The following CHD6 variants were observed in gnomAD, a reference collection of about 807,000 sequenced individuals.
The protein encoded by CHD6 is chromodomain helicase DNA binding protein 6, also known as ATP-dependent chromatin remodeler CHD6.
Under a neutral mutation model 276.9 loss-of-function variants are expected in CHD6, and 50 were observed. That is an observed-to-expected ratio of 0.18 (90% CI 0.14 to 0.23). The LOEUF (loss-of-function observed/expected upper bound fraction) is 0.23. Among genes scored for constraint, CHD6 ranks in the 10% least tolerant of loss-of-function variants. CHD6 has a pLI of 1.00. For synonymous variants in CHD6, 1,173 were observed against 1,229.3 expected, an observed-to-expected ratio of 0.95 and a Z score of 0.96; for missense variants, 2,564 against 3,365.8, an observed-to-expected ratio of 0.76 and a Z score of 5.89.
At chr20:41,419,549 T>A (rs537806603) in intron 31 of CHD6, among the ~76,000 whole-genome samples, 1 of 63,710 alleles carries the variant, frequency 1.6e-5, no homozygotes, top group African/African-American at 5.8e-5. Context: ...AGCAAGACTC[T>A]GTCTCAAAAA....
At chr20:41,436,905 A>G (rs1039102236) in intron 27 of CHD6, among the ~76,000 whole-genome samples, 7 of 152,198 alleles carry the variant, frequency 4.6e-5, no homozygotes, top group African/African-American at 1.7e-4. Context: ...CAGCAACAGG[A>G]TGAATCTTTG....
At chr20:41,550,780 G>C (rs1240358603) in intron 2 of CHD6, among the ~76,000 whole-genome samples, 1 of 152,142 alleles carries the variant, frequency 6.6e-6, no homozygotes, top group Non-Finnish European at 1.5e-5. Flanking sequence ...ACCAAGGAAA[G>C]AGATCCTGGC....
chr20:41,587,403 G>A (rs1356232878), intron 1 of CHD6, among the ~76,000 whole-genome samples: 4 of 152,202 alleles, frequency 2.6e-5, no homozygotes, highest in Non-Finnish European at 5.9e-5. Context: ...GTTGATAAGA[G>A]AATAAGTCAG....
intron 1 of CHD6, among the ~76,000 whole-genome samples, chr20:41,572,817 C>T (rs1481316550): frequency 1.3e-5 from 2 of 152,192 alleles, no homozygotes; most frequent in African/African-American, 2.4e-5. Context: ...GTCCTCTTAT[C>T]CCATTCAGAG....
rs1290393566 is a variant in CHD6, at chr20:41,403,283, G to T, written c.*1310C>A. 1 of 1,062,750 alleles carries T rather than the reference G, an allele frequency of 9.4e-7. No individual in the cohort carries two copies. Among genetic ancestry groups the T allele is most frequent in the Non-Finnish European group, 1.1e-6 (1 of 877,464 alleles). The allele number at this position is 1,062,750 out of a possible 1,614,324, so 65.8% of individuals were successfully genotyped here. On this transcript the variant is annotated 3_prime_UTR_variant, in exon 37 of 37. Coordinates refer to ENST00000373233, the MANE Select transcript of CHD6 (RefSeq NM_032221.5). ...CTGCGCCCCCAGAGTACTGAACCAT[G>T]AGCTTACTTCAAGTCTCAGAGTGTG...
chr20:41,405,835 C>T (rs1285475913), intron 36 of CHD6, among the ~76,000 whole-genome samples: 1 of 152,114 alleles, frequency 6.6e-6, no homozygotes, highest in African/African-American at 2.4e-5. Flanking sequence ...TGCTCTGGTT[C>T]TCGGTGAGAC....
intron 1 of CHD6, among the ~76,000 whole-genome samples, chr20:41,585,511 CAAAA>C (rs60920576): frequency 2.7e-5 from 2 of 74,232 alleles, no homozygotes; most frequent in Non-Finnish European, 6.3e-5. Context: ...TCCGTCTCAC[CAAAA>C]AAAAAAAAAA....
In CHD6 at chr20:41,417,054, C is replaced by T. The variant is rs1272228422; in HGVS notation, c.6279+144G>A. 27 of 802,238 alleles carry T rather than the reference C, an allele frequency of 3.4e-5. No individual in the cohort carries two copies. In the South Asian group the frequency reaches 5.0e-4, roughly 15 times the overall value. 49.7% of individuals were successfully genotyped at this position (802,238 alleles called of 1,614,324 possible). A position where few individuals can be genotyped will look rare whatever the true frequency, so the allele number is the denominator to read the frequency against. Reference sequence around the variant, plus strand: ...GTTAAGCGCATGTATCTTTAATGTTCAAATGCTACATAACTAATATCTTTT... The same window carrying T: ...GTTAAGCGCATGTATCTTTAATGTTTAAATGCTACATAACTAATATCTTTT... On this transcript the variant is annotated intron_variant, in intron 32 of 36. Transcript: ENST00000373233.
intron 3 of CHD6, among the ~76,000 whole-genome samples, chr20:41,528,912 T>C (rs1268041613): frequency 6.6e-6 from 1 of 152,172 alleles, no homozygotes; most frequent in Non-Finnish European, 1.5e-5. Flanking sequence ...TTTTAGTCCT[T>C]GAAAGGATAC....
In CHD6 at chr20:41,464,970, T is replaced by C. The variant is rs574939740; in HGVS notation, c.2665-7542A>G. 2.0e-5 allele frequency among the ~76,000 whole-genome samples: 3 copies of C among 152,174 alleles called. No homozygotes were observed. The East Asian group carries it at 5.8e-4, about 29-fold the overall frequency. On this transcript the variant is annotated intron_variant, in intron 17 of 36. Coordinates refer to ENST00000373233, the MANE Select transcript of CHD6 (RefSeq NM_032221.5). ...ACAAAATAAATAGAGTAATGGATTATAAAATAAAACAAAATCCACAAGTCA... is the reference window on the plus strand; with the variant it reads ...ACAAAATAAATAGAGTAATGGATTACAAAATAAAACAAAATCCACAAGTCA...
intron 1 of CHD6, among the ~76,000 whole-genome samples, chr20:41,561,044 A>G (rs541678965): frequency 2.0e-5 from 3 of 152,198 alleles, no homozygotes; most frequent in Non-Finnish European, 4.4e-5. Context: ...GTATTTTTAT[A>G]AAAAGGCCAG....
At chr20:41,544,671 T>C (rs1442923540) in intron 2 of CHD6, among the ~76,000 whole-genome samples, 1 of 150,320 alleles carries the variant, frequency 6.7e-6, no homozygotes, top group Non-Finnish European at 1.5e-5. Flanking sequence ...TTAATGTTAA[T>C]ATTTTATACT....
chr20:41,529,503 G>T (rs770067297), intron 3 of CHD6, among the ~76,000 whole-genome samples: 1 of 152,112 alleles, frequency 6.6e-6, no homozygotes, highest in Non-Finnish European at 1.5e-5. Context: ...GTTCAGAGGG[G>T]ACACACAGGT....
chr20:41,580,363 T>C (rs148489788), intron 1 of CHD6, among the ~76,000 whole-genome samples: 1 of 152,182 alleles, frequency 6.6e-6, no homozygotes. Context: ...TTTCTGTGAC[T>C]CCCTTCTTTG....
At chr20:41,412,008 G>A (rs1451021422) in intron 36 of CHD6, 136 bp downstream of exon 36, 15 of 1,267,070 alleles carry the variant, frequency 1.2e-5, no homozygotes, top group South Asian at 1.5e-5. Context: ...TCAACTTCCT[G>A]TGCTGGCTTC....
At chr20:41,484,232 G>T (rs1335747121) in intron 15 of CHD6, 120 bp downstream of exon 15, 10 of 1,234,928 alleles carry the variant, frequency 8.1e-6, no homozygotes, top group Non-Finnish European at 1.2e-5. Flanking sequence ...TCTGTAAAAA[G>T]GTGAGAATGC....
At chr20:41,585,872 A>G (rs891056867) in intron 1 of CHD6, among the ~76,000 whole-genome samples, 1 of 152,222 alleles carries the variant, frequency 6.6e-6, no homozygotes, top group Non-Finnish European at 1.5e-5. Context: ...AATGAGAGAC[A>G]GGACTAGCTG....
chr20:41,492,517 AAC>A (rs1411367197), intron 10 of CHD6, among the ~76,000 whole-genome samples: 3 of 152,256 alleles, frequency 2.0e-5, no homozygotes, highest in African/African-American at 4.8e-5. Context: ...GGAACTGGAT[AAC>A]AGTTTTTCAT....
intron 1 of CHD6, among the ~76,000 whole-genome samples, chr20:41,606,363 A>C (rs1261465532): frequency 2.6e-5 from 4 of 152,046 alleles, no homozygotes; most frequent in African/African-American, 9.7e-5. Context: ...ACAAAAACAA[A>C]ATTAGCCAGG....
Sources: allele counts gnomAD v4.1 joint callset (sites outside exome capture counted in the v4.1 genomes callset), GRCh38; gene constraint gnomAD v4.1.1; transcripts MANE v1.5; gene names NCBI Gene and HGNC (gene_info 2026-07-23, HGNC 2026-07-21).